PLCL2: variants seen among roughly 807,000 people sequenced by gnomAD.
The protein encoded by PLCL2 is phospholipase C like 2, also known as inactive phospholipase C-like protein 2.
In PLCL2, 4 loss-of-function variants were observed where a neutral mutation model predicts 79.6. The ratio of observed to expected loss-of-function variants is 0.05; its 90% confidence interval spans 0.02 to 0.11. The LOEUF (loss-of-function observed/expected upper bound fraction) is 0.11, where lower values mean the gene tolerates loss of function less well. Among genes scored for constraint, PLCL2 ranks in the 10% least tolerant of loss-of-function variants. The probability of loss-of-function intolerance (pLI) is 1.00; values close to 1 mark genes in which losing one functional copy is unlikely to be tolerated. For missense variants in PLCL2, 895 were observed against 1,291.0 expected (o/e 0.69, Z 4.70); for synonymous variants, 484 against 457.7 (o/e 1.06, Z -0.73).
At chr3:16,956,225 G>A (rs1171191013) in intron 1 of PLCL2, among the ~76,000 whole-genome samples, 3 of 152,152 alleles carry the variant, frequency 2.0e-5, no homozygotes, top group Non-Finnish European at 2.9e-5. Flanking sequence ...TTTATTGAGA[G>A]TTTTTAGCAT....
chr3:17,013,503 T>A (rs1219967162), intron 2 of PLCL2, among the ~76,000 whole-genome samples: 8 of 152,224 alleles, frequency 5.3e-5, no homozygotes, highest in African/African-American at 1.9e-4. Flanking sequence ...TAAGAGTGAC[T>A]GGGGAACTGC....
chr3:17,056,311 T>TTTTA (rs2064892169), intron 4 of PLCL2, among the ~76,000 whole-genome samples: 2 of 148,326 alleles, frequency 1.3e-5, no homozygotes, highest in Non-Finnish European at 3.0e-5. Flanking sequence ...TACCAGAAGG[T>TTTTA]TATATATATA....
At chr3:16,915,683 G>GT (rs1256275484) in intron 1 of PLCL2, among the ~76,000 whole-genome samples, 1 of 152,094 alleles carries the variant, frequency 6.6e-6, no homozygotes, top group Non-Finnish European at 1.5e-5. Flanking sequence ...TGTTTATGCA[G>GT]TTTTTCCTTC....
chr3:16,914,158 T>C (rs1696942001), intron 1 of PLCL2, among the ~76,000 whole-genome samples: 1 of 152,248 alleles, frequency 6.6e-6, no homozygotes, highest in South Asian at 2.1e-4. Context: ...AGAAGTGCTT[T>C]AGTTATGAGT....
chr3:17,037,770 G>C (rs4684308), intron 3 of PLCL2, among the ~76,000 whole-genome samples: 26,499 of 152,070 alleles, frequency 0.17, 2,913 homozygotes, highest in East Asian at 0.54. Context: ...TAAGATGAAG[G>C]GCAATTCAGT....
chr3:16,922,293 T>A (rs1230112109), intron 1 of PLCL2, among the ~76,000 whole-genome samples: 1 of 152,196 alleles, frequency 6.6e-6, no homozygotes, highest in Non-Finnish European at 1.5e-5. Flanking sequence ...ATTCTGAAAT[T>A]TTATAAAGGT....
intron 1 of PLCL2, among the ~76,000 whole-genome samples, chr3:16,979,362 T>TTGAC (rs2063957685): frequency 7.8e-6 from 1 of 127,652 alleles, no homozygotes; most frequent in Non-Finnish European, 1.7e-5. Flanking sequence ...TTTTTTTTAA[T>TTGAC]CATTCTTGGG....
At chr3:16,933,101 A>G (rs184744100) in intron 1 of PLCL2, 2 of 154,804 alleles carry the variant, frequency 1.3e-5, no homozygotes, top group Admixed American at 6.5e-5. Flanking sequence ...AAACGTACCT[A>G]AGTATTATTG....
At chr3:16,978,667 A>G (rs577200808) in intron 1 of PLCL2, among the ~76,000 whole-genome samples, 7 of 152,326 alleles carry the variant, frequency 4.6e-5, no homozygotes, top group Non-Finnish European at 8.8e-5. Context: ...TAACGATGTA[A>G]GGACATTCTT....
intron 1 of PLCL2, 52 bp downstream of exon 1, chr3:16,885,418 A>G (rs765796412): frequency 1.1e-4 from 63 of 550,992 alleles, no homozygotes; most frequent in Non-Finnish European, 1.6e-4. Context: ...CTTGGATTCT[A>G]TTTTCTCCCT....
chr3:17,034,768 G>T (rs1221666498), intron 3 of PLCL2, among the ~76,000 whole-genome samples: 1 of 152,140 alleles, frequency 6.6e-6, no homozygotes, highest in African/African-American at 2.4e-5. Flanking sequence ...GGGTAAAATT[G>T]GTTTCATTGT....
chr3:17,050,971 G>T (rs1022555719), intron 4 of PLCL2, among the ~76,000 whole-genome samples: 1 of 152,164 alleles, frequency 6.6e-6, no homozygotes, highest in Non-Finnish European at 1.5e-5. Flanking sequence ...CCATGGAAAA[G>T]AATGAGATCC....
intron 1 of PLCL2, among the ~76,000 whole-genome samples, chr3:16,981,542 A>G (rs1190789666): frequency 1.3e-5 from 2 of 152,162 alleles, no homozygotes; most frequent in Non-Finnish European, 2.9e-5. Context: ...TTCAATTGTA[A>G]TTGTTCTATC....
At position 16,885,135 on chromosome 3, in the gene PLCL2, G is replaced by C. The variant is rs1696180950; in HGVS notation, c.96G>C (p.Val32=). The C allele has an allele frequency of 8.0e-6, 4 of 499,734 alleles. No individual in the cohort carries two copies. The highest frequency in any genetic ancestry group is 7.1e-6 in the Non-Finnish European group (2 of 280,658). The allele number at this position is 499,734 out of a possible 1,614,324, so 31.0% of individuals were successfully genotyped here. A position where few individuals can be genotyped will look rare whatever the true frequency, so the allele number is the denominator to read the frequency against. The part of the protein sequence containing the change: ...LGAKGALKAG[V]GEGGGGGGRL... Reference sequence around the variant, plus strand: ...CCAAGGGCGCCCTGAAAGCCGGAGTGGGGGAAGGCGGTGGCGGGGGAGGTC... The same window carrying C: ...CCAAGGGCGCCCTGAAAGCCGGAGTCGGGGAAGGCGGTGGCGGGGGAGGTC... Residue 32 remains valine (V), a synonymous_variant, in exon 1 of 6, where the codon GTG becomes GTC. Transcript: ENST00000615277.
chr3:16,973,889 G>A (rs181619519), intron 1 of PLCL2, among the ~76,000 whole-genome samples: 264 of 152,242 alleles, frequency 1.7e-3, no homozygotes, highest in African/African-American at 5.8e-3. Flanking sequence ...TACAATGATG[G>A]TAAGTATTAC....
intron 3 of PLCL2, among the ~76,000 whole-genome samples, chr3:17,034,402 T>C (rs2124912674): frequency 6.6e-6 from 1 of 152,188 alleles, no homozygotes; most frequent in East Asian, 1.9e-4. Flanking sequence ...TGAATATAAG[T>C]TATTGGGAAA....
At chr3:16,976,281 A>T (rs902379132) in intron 1 of PLCL2, among the ~76,000 whole-genome samples, 4 of 152,186 alleles carry the variant, frequency 2.6e-5, no homozygotes, top group Non-Finnish European at 5.9e-5. Flanking sequence ...AAATTGGCTC[A>T]TGCAGTTGTA....
intron 1 of PLCL2, among the ~76,000 whole-genome samples, chr3:16,935,251 A>G (rs1697512381): frequency 6.6e-6 from 1 of 151,944 alleles, no homozygotes; most frequent in Non-Finnish European, 1.5e-5. Flanking sequence ...TGAGGTGTTT[A>G]TCTTTGTCTT....
chr3:17,006,823 A>G (rs2064265531), intron 1 of PLCL2, among the ~76,000 whole-genome samples: 2 of 152,240 alleles, frequency 1.3e-5, no homozygotes, highest in Non-Finnish European at 2.9e-5. Flanking sequence ...TTCCACATAC[A>G]TGGGTATGTG....
Sources: gnomAD v4.1 joint callset for allele counts (sites outside exome capture counted in the v4.1 genomes callset) on GRCh38, gnomAD v4.1.1 for gene constraint, MANE v1.5 for transcripts, NCBI Gene and HGNC (gene_info 2026-07-23, HGNC 2026-07-21) for gene names.